MARCHF10: variants seen among roughly 807,000 people sequenced by gnomAD.
MARCHF10 encodes membrane associated ring-CH-type finger 10, also known as probable E3 ubiquitin-protein ligase MARCHF10.
A neutral mutation model predicts 76.2 loss-of-function variants in MARCHF10; 64 were observed. The ratio of observed to expected loss-of-function variants is 0.84; its 90% CI spans 0.69 to 1.03. The LOEUF (loss-of-function observed/expected upper bound fraction) is 1.03, where lower values mean the gene tolerates loss of function less well. MARCHF10 is among the 50% of genes least tolerant of loss of function. The probability of loss-of-function intolerance (pLI) is 0.00; values close to 1 mark genes in which losing one functional copy is unlikely to be tolerated. For missense variants in MARCHF10, 875 were observed against 958.0 expected, an observed-to-expected ratio of 0.91 and a Z score of 1.14; for synonymous variants, 340 against 357.5, an observed-to-expected ratio of 0.95 and a Z score of 0.55.
intron 8 of MARCHF10, chr17:62,714,461 T>A: frequency 1.0e-6 from 1 of 974,924 alleles, no homozygotes; most frequent in Non-Finnish European, 1.2e-6. Flanking sequence ...AAAGACAGGA[T>A]TCCAGGTAAA....
At position 62,736,847 on chromosome 17, in the gene MARCHF10, C is replaced by A. The variant is rs763219332; in HGVS notation, c.1021G>T (p.Gly341Cys). ...GGCTCACTTCTTCTTGAAGAATGAC[C>A]TCTGCAATTTTCAGCATTTTCTTCA... is the stretch of plus-strand genomic sequence containing the variant. The part of the protein sequence containing the change: ...NFEENAENCR[G>C]HSSRRSEPSH... Residue 341 changes from glycine (G) to cysteine (C), a missense_variant, in exon 6 of 11, where the codon GGT (glycine) becomes TGT (cysteine). By Grantham distance (159) the Gly-to-Cys change is radical. Coordinates refer to ENST00000311269, the MANE Select transcript of MARCHF10 (RefSeq NM_152598.4). 9.9e-6 allele frequency: 16 copies of A among 1,613,944 alleles called. No homozygotes were observed. The highest frequency in any genetic ancestry group is 1.4e-5 in the Non-Finnish European group (16 of 1,179,914).
chr17:62,801,459 G>GTTT (rs370268977), intron 2 of MARCHF10, among the ~76,000 whole-genome samples, 187 bp downstream of exon 2: 2 of 137,120 alleles, frequency 1.5e-5, no homozygotes, highest in African/African-American at 2.6e-5. Context: ...AGCTATCCCC[G>GTTT]TTTTTTTTTT....
rs922122278 is a variant in MARCHF10 at position 62,808,066 on chromosome 17, G to A, written c.-18+11C>T. ...ACTGGAGCGGAGCGGCGGGGGCGAG[G>A]GGGCCGTTACCTGTGGGTCTGCCCT... On this transcript the variant is annotated intron_variant, in intron 1 of 10. Coordinates refer to ENST00000311269, the MANE Select transcript of MARCHF10 (RefSeq NM_152598.4). The A allele has an allele frequency of 6.6e-6, 1 of 152,184 alleles. No homozygotes were observed. Among genetic ancestry groups the A allele is most frequent in the African/African-American group, 2.4e-5 (1 of 41,474 alleles). The allele number at this position is 152,184 out of a possible 1,614,324, so 9.4% of individuals were successfully genotyped here.
At chr17:62,759,233 C>G (rs776517494) in intron 4 of MARCHF10, among the ~76,000 whole-genome samples, 1 of 152,176 alleles carries the variant, frequency 6.6e-6, no homozygotes, top group Non-Finnish European at 1.5e-5. Context: ...GGGCCAAATG[C>G]CTTTATCCCC....
intron 8 of MARCHF10, among the ~76,000 whole-genome samples, chr17:62,721,476 A>G (rs1233689397): frequency 1.3e-5 from 2 of 152,016 alleles, no homozygotes; most frequent in African/African-American, 4.8e-5. Flanking sequence ...TGTGACTTCT[A>G]TATTGAACAA....
At chr17:62,756,211 G>C (rs1220886246) in intron 4 of MARCHF10, among the ~76,000 whole-genome samples, 1 of 152,056 alleles carries the variant, frequency 6.6e-6, no homozygotes, top group Non-Finnish European at 1.5e-5. Context: ...TCGCGCCATT[G>C]CACTTCAGCC....
intron 3 of MARCHF10, among the ~76,000 whole-genome samples, chr17:62,774,565 A>G (rs1009242862): frequency 3.3e-5 from 5 of 152,038 alleles, no homozygotes; most frequent in African/African-American, 1.2e-4. Flanking sequence ...CAGGGAGGGG[A>G]GGGAGCTCTG....
chr17:62,779,167 AC>A (rs1177269068), intron 3 of MARCHF10, among the ~76,000 whole-genome samples: 2 of 152,136 alleles, frequency 1.3e-5, no homozygotes, highest in African/African-American at 4.8e-5. Context: ...TGTGAAGAAC[AC>A]CACGCCAGGT....
At chr17:62,716,694 A>C (rs929299385) in intron 8 of MARCHF10, among the ~76,000 whole-genome samples, 7 of 132,054 alleles carry the variant, frequency 5.3e-5, no homozygotes, top group Admixed American at 4.9e-4. Flanking sequence ...AACAAAAGCA[A>C]AAAAAAAAAA....
intron 3 of MARCHF10, among the ~76,000 whole-genome samples, chr17:62,772,386 C>T (rs963757023): frequency 7.9e-5 from 12 of 152,162 alleles, no homozygotes; most frequent in African/African-American, 2.9e-4. Context: ...GTCCATTAAA[C>T]CTCTTTTTCT....
chr17:62,759,827 C>T lies in MARCHF10; in HGVS notation c.382+8G>A, dbSNP rs778590574. The T allele has an allele frequency of 8.1e-6, 13 of 1,609,180 alleles. No homozygotes were observed. In the South Asian group the frequency reaches 1.3e-4, roughly 16 times the overall value. ...GATCTGATGAATTTCAATAAGCCAG[C>T]CACTCACCTGGAGAGGGTTCGCTGG... On this transcript the variant is annotated splice_region_variant and intron_variant, in intron 4 of 10. Coordinates refer to ENST00000311269, the MANE Select transcript of MARCHF10 (RefSeq NM_152598.4).
intron 6 of MARCHF10, among the ~76,000 whole-genome samples, chr17:62,730,477 G>A (rs1029734056): frequency 3.3e-5 from 5 of 152,250 alleles, no homozygotes; most frequent in East Asian, 1.9e-4. Context: ...TGTATTAAGC[G>A]CTTACTGTAT....
intron 1 of MARCHF10, among the ~76,000 whole-genome samples, chr17:62,805,356 G>C (rs9902932): frequency 0.58 from 87,824 of 151,998 alleles, 25,360 homozygotes; most frequent in East Asian, 0.64. Flanking sequence ...GTGGGAAAGA[G>C]AAGCCTGTCT....
chr17:62,726,955 A>T (rs563599341), intron 6 of MARCHF10, among the ~76,000 whole-genome samples: 1 of 152,310 alleles, frequency 6.6e-6, no homozygotes, highest in African/African-American at 2.4e-5. Flanking sequence ...TTAGGCAACT[A>T]CACGGGATTT....
At chr17:62,776,122 G>T (rs761734315) in intron 3 of MARCHF10, among the ~76,000 whole-genome samples, 7 of 151,998 alleles carry the variant, frequency 4.6e-5, no homozygotes, top group Admixed American at 2.6e-4. Context: ...TAAGTACTGT[G>T]GTTTTAAAAA....
Position 62,746,061 on chromosome 17 carries a change from A to G in MARCHF10, c.383-1533T>C, listed in dbSNP as rs185234676. On this transcript the variant is annotated intron_variant, in intron 4 of 10. Coordinates refer to ENST00000311269, the MANE Select transcript of MARCHF10 (RefSeq NM_152598.4). The stretch of plus-strand genomic sequence containing the variant: ...TTTGGCACATGAGGCAACTGGAGTC[A>G]TGTTCCAGAGTGTAAGTTGTAGTCG... 3.3e-5 allele frequency among the ~76,000 whole-genome samples: 5 copies of G among 152,354 alleles called. No individual in the cohort carries two copies. The East Asian group carries it at 9.6e-4, about 29-fold the overall frequency.
intron 2 of MARCHF10, among the ~76,000 whole-genome samples, chr17:62,789,946 A>C (rs1041560810): frequency 2.6e-5 from 4 of 152,146 alleles, no homozygotes; most frequent in Admixed American, 6.5e-5. Flanking sequence ...AAAATTAATA[A>C]TAATAATTTT....
At chr17:62,767,896 C>G (rs1568182831) in intron 3 of MARCHF10, among the ~76,000 whole-genome samples, 1 of 152,110 alleles carries the variant, frequency 6.6e-6, no homozygotes, top group East Asian at 1.9e-4. Context: ...CACCTACTGC[C>G]CCACTGCAAC....
intron 10 of MARCHF10, among the ~76,000 whole-genome samples, 162 bp from the exon 11 acceptor site, chr17:62,701,920 A>C (rs771509574): frequency 1.3e-5 from 2 of 152,186 alleles, no homozygotes; most frequent in Non-Finnish European, 2.9e-5. Context: ...AGAGACCTGC[A>C]GTCTGGGGCC....
Sources: gnomAD v4.1 joint callset for allele counts (sites outside exome capture counted in the v4.1 genomes callset) on GRCh38, gnomAD v4.1.1 for gene constraint, MANE v1.5 for transcripts, NCBI Gene and HGNC (gene_info 2026-07-23, HGNC 2026-07-21) for gene names.